Variants in ZNF680 observed in about 807,000 individuals in gnomAD.
The protein encoded by ZNF680 is hypothetical protein FLJ90430.
Under a neutral mutation model 12.1 loss-of-function variants are expected in ZNF680, and 6 were observed. The observed-to-expected ratio is 0.49, with a 90% CI of 0.27 to 0.98. The LOEUF (loss-of-function observed/expected upper bound fraction) is 0.98. Among genes scored for constraint, ZNF680 ranks in the 50% least tolerant of loss-of-function variants. The pLI is 0.12. For missense variants in ZNF680, 561 were observed against 616.3 expected, an observed-to-expected ratio of 0.91 and a Z score of 0.95; for synonymous variants, 170 against 199.3, an observed-to-expected ratio of 0.85 and a Z score of 1.24.
chr7:64,510,929 TAAAAA>T, the ZNF680 span, among the ~76,000 whole-genome samples: 2 of 77,922 alleles, frequency 2.6e-5, no homozygotes, highest in African/African-American at 9.0e-5. Flanking sequence ...AAATAAAAAA[TAAAAA>T]ATAAAAATAA....
the ZNF680 span, among the ~76,000 whole-genome samples, chr7:64,510,917 A>T: frequency 1.5e-4 from 3 of 19,812 alleles, no homozygotes; most frequent in Admixed American, 5.0e-4. Flanking sequence ...CTCAAAAAAA[A>T]AAAATAAAAA....
chr7:64,525,281 G>C (rs999705301), intron 3 of ZNF680: 4 of 152,074 alleles, frequency 2.6e-5, no homozygotes, highest in African/African-American at 9.7e-5. Context: ...TGTAATTATT[G>C]CAGCATTGTT....
the ZNF680 span, among the ~76,000 whole-genome samples, chr7:64,499,444 G>C: frequency 4.6e-5 from 7 of 152,288 alleles, no homozygotes; most frequent in Admixed American, 6.5e-5. Context: ...CATCCAGAAA[G>C]AGCAGACAGT....
At chr7:64,549,775 G>GT (rs1214071351) in intron 1 of ZNF680, among the ~76,000 whole-genome samples, 4 of 152,092 alleles carry the variant, frequency 2.6e-5, no homozygotes, top group African/African-American at 4.8e-5. Flanking sequence ...GAGGTCAGGA[G>GT]TTTGAGACCA....
At chr7:64,537,719 A>AG (rs1786245768) in intron 3 of ZNF680, among the ~76,000 whole-genome samples, 1 of 152,160 alleles carries the variant, frequency 6.6e-6, no homozygotes, top group South Asian at 2.1e-4. Context: ...CAAGGTCAGG[A>AG]GATCGAGACC....
intron 1 of ZNF680, among the ~76,000 whole-genome samples, chr7:64,555,526 T>C (rs931003647): frequency 2.6e-5 from 4 of 152,146 alleles, no homozygotes; most frequent in East Asian, 3.9e-4. Context: ...GAGAAATTTA[T>C]AGCACTAAAA....
At chr7:64,515,415 G>A (rs1253253807), downstream of ZNF680, among the ~76,000 whole-genome samples, 2 of 151,878 alleles carry the variant, frequency 1.3e-5, no homozygotes, top group African/African-American at 4.8e-5. Flanking sequence ...AAAATCCAAT[G>A]CCTAATCTCT....
the ZNF680 span, chr7:64,501,419 T>G: frequency 2.8e-6 from 3 of 1,079,348 alleles, no homozygotes; most frequent in South Asian, 1.2e-5. Flanking sequence ...AAGAAGGAAC[T>G]GACCCAGATA....
In ZNF680 at chr7:64,527,734, A is replaced by C. The variant is rs1019574497; in HGVS notation, c.254-5234T>G. ...AGTGATCCCAGGACTTTGAGAAGCC[A>C]AGGTGGGCTGATCAGTTGATCTCAA... On this transcript the variant is annotated intron_variant, in intron 3 of 3. Coordinates refer to ENST00000309683, the MANE Select transcript of ZNF680 (RefSeq NM_178558.5). 6.6e-5 allele frequency among the ~76,000 whole-genome samples: 10 copies of C among 152,208 alleles called. No homozygotes were observed. The South Asian group carries it at 1.9e-3, about 28-fold the overall frequency.
At chr7:64,535,004 G>T (rs563220018) in intron 3 of ZNF680, among the ~76,000 whole-genome samples, 2 of 151,130 alleles carry the variant, frequency 1.3e-5, no homozygotes, top group African/African-American at 2.4e-5. Flanking sequence ...GGGGACTTGG[G>T]GGGGCTTGGG....
the ZNF680 span, among the ~76,000 whole-genome samples, chr7:64,504,355 C>CT: frequency 6.6e-6 from 1 of 151,540 alleles, no homozygotes; most frequent in African/African-American, 2.4e-5. Flanking sequence ...GTGCCAAACA[C>CT]TGTTATTTGG....
intron 3 of ZNF680, among the ~76,000 whole-genome samples, chr7:64,533,184 A>G (rs552477307): frequency 1.6e-4 from 24 of 152,204 alleles, no homozygotes; most frequent in Admixed American, 5.9e-4. Context: ...ATCAGACAAG[A>G]GAAATAAAGG....
intron 1 of ZNF680, among the ~76,000 whole-genome samples, chr7:64,555,920 T>C (rs955340993): frequency 1.3e-5 from 2 of 151,570 alleles, no homozygotes; most frequent in South Asian, 2.1e-4. Context: ...AACTAGAAAA[T>C]AGAAGTTTCA....
the ZNF680 span, among the ~76,000 whole-genome samples, chr7:64,503,099 T>C: frequency 7.2e-5 from 11 of 152,184 alleles, no homozygotes; most frequent in Admixed American, 2.6e-4. Flanking sequence ...AGCTCATACA[T>C]TTCAAATGAA....
Position 64,522,313 on chromosome 7 carries a change from T to C in ZNF680, c.441A>G (p.Arg147=). ...EGYNELNQCL[R]TTQSKIFQCD... is the part of the protein sequence containing the mutation. ...ATTGAAATATTTTGCTCTGGGTAGT[T>C]CTCAAACATTGGTTAAGTTCATTAT... is the stretch of plus-strand genomic sequence containing the variant. The change falls in exon 4 of 4, where the codon AGA becomes AGG. Residue 147 remains arginine (R), a synonymous_variant. Coordinates refer to ENST00000309683, the MANE Select transcript of ZNF680 (RefSeq NM_178558.5). The C allele has an allele frequency of 6.2e-7, 1 of 1,613,046 alleles. No homozygotes were observed. The highest frequency in any genetic ancestry group is 1.1e-5 in the South Asian group (1 of 90,968).
the ZNF680 span, among the ~76,000 whole-genome samples, chr7:64,507,879 A>G: frequency 7.9e-6 from 1 of 127,158 alleles, no homozygotes; most frequent in Non-Finnish European, 1.7e-5. Flanking sequence ...ACACACACAC[A>G]TTTTTTTATT....
At chr7:64,528,091 T>C (rs992779857) in intron 3 of ZNF680, among the ~76,000 whole-genome samples, 1 of 150,954 alleles carries the variant, frequency 6.6e-6, no homozygotes, top group Non-Finnish European at 1.5e-5. Flanking sequence ...TACCTGGAGG[T>C]GAGTCAATTG....
chr7:64,527,672 G>T (rs1223635698), intron 3 of ZNF680, among the ~76,000 whole-genome samples: 1 of 151,684 alleles, frequency 6.6e-6, no homozygotes, highest in Non-Finnish European at 1.5e-5. Flanking sequence ...TCCGGCCTGA[G>T]CAACAACAGC....
At chr7:64,501,555 G>C in the ZNF680 span, 3 of 762,552 alleles carry the variant, frequency 3.9e-6, no homozygotes, top group Non-Finnish European at 7.1e-6. Flanking sequence ...GAAGAAAAAT[G>C]AGATTAATGT....
Sources: gnomAD v4.1 joint callset for allele counts (sites outside exome capture counted in the v4.1 genomes callset) on GRCh38, gnomAD v4.1.1 for gene constraint, MANE v1.5 for transcripts, NCBI Gene and HGNC (gene_info 2026-07-23, HGNC 2026-07-21) for gene names.